RBFA: variants seen among roughly 807,000 people sequenced by gnomAD.
RBFA encodes putative ribosome-binding factor A, mitochondrial.
RBFA carries 16 observed loss-of-function variants against 27.9 expected under a neutral mutation model. That is an observed-to-expected ratio of 0.57 (90% CI 0.39 to 0.87). RBFA has a LOEUF of 0.87. Among genes scored for constraint, RBFA ranks in the 40% least tolerant of loss-of-function variants. The probability of loss-of-function intolerance (pLI) is 0.00; values close to 1 mark genes in which losing one functional copy is unlikely to be tolerated. For missense variants in RBFA, 456 were observed against 432.1 expected (o/e 1.06, Z -0.49); for synonymous variants, 181 against 181.0 (o/e 1.00, Z 0.00).
At chr18:80,044,159 A>C (rs916598673) in intron 5 of RBFA, 53 bp from the exon 6 acceptor site, 2 of 1,459,764 alleles carry the variant, frequency 1.4e-6, no homozygotes, top group Non-Finnish European at 9.6e-7. Context: ...CCCGGCTGTA[A>C]GTATGGTGGT....
At chr18:80,042,586 C>T (rs190234417) in intron 5 of RBFA, among the ~76,000 whole-genome samples, 1 of 152,028 alleles carries the variant, frequency 6.6e-6, no homozygotes, top group East Asian at 1.9e-4. Context: ...CTGGCCAATA[C>T]GGTGAAACCC....
chr18:80,044,151 C>T (rs368712787), intron 5 of RBFA, 61 bp from the exon 6 acceptor site: 60 of 1,404,744 alleles, frequency 4.3e-5, no homozygotes, highest in South Asian at 2.2e-4. Flanking sequence ...ACGTGGAGCC[C>T]GGCTGTAAGT....
At position 80,048,847 on chromosome 18, in the gene RBFA, A is replaced by G. The variant is rs2052075001; in HGVS notation, c.*2692A>G. ...CAGCTCAGTGCCTCCTAGAAAGTGG[A>G]GTGTGGGCATGTTTGCAGGGGATCC... is the stretch of plus-strand genomic sequence containing the variant. On this transcript the variant is annotated 3_prime_UTR_variant, in exon 7 of 7. Transcript: ENST00000306735. 6.9e-6 allele frequency among the ~76,000 whole-genome samples: 1 copy of G among 144,966 alleles called. No individual in the cohort carries two copies. Among genetic ancestry groups the G allele is most frequent in the African/African-American group, 2.7e-5 (1 of 37,378 alleles).
chr18:80,039,191 G>T (rs999152644), intron 4 of RBFA, among the ~76,000 whole-genome samples: 1 of 152,148 alleles, frequency 6.6e-6, no homozygotes, highest in Non-Finnish European at 1.5e-5. Flanking sequence ...GGCAGCACAC[G>T]CATATAGTCC....
At position 80,034,512 on chromosome 18, in the gene RBFA, G is replaced by A. The variant is rs2051959720; in HGVS notation, c.17G>A (p.Gly6Asp). 6.4e-7 allele frequency: 1 copy of A among 1,572,706 alleles called. No homozygotes were observed. Among genetic ancestry groups the A allele is most frequent in the Admixed American group, 1.9e-5 (1 of 51,542 alleles). ...CGCCGCGCCATGTGGGCTGCGGCGG[G>A]CGGGCTGTGGCGCTCCCGCGCGGGT... MWAAA[G>D]GLWRSRAGLR... is the part of the protein sequence containing the mutation. The change falls in exon 1 of 7, where the codon GGC (glycine) becomes GAC (aspartate). Residue 6 changes from glycine (G) to aspartate (D), a missense_variant. Physicochemically the swap from Gly to Asp is moderately conservative, Grantham distance 94 (BLOSUM62 -1). Transcript: ENST00000306735.
chr18:80,048,929 G>A lies in RBFA; in HGVS notation c.*2774G>A, dbSNP rs2052076284. On this transcript the variant is annotated 3_prime_UTR_variant, in exon 7 of 7. Transcript: ENST00000306735. ...GTGGAGTGTGGGCACGTTTGCAGGG[G>A]ATCCAACCAGGCGTCTGCTCAGTGC... Among the ~76,000 whole-genome samples the A allele has an allele frequency of 8.3e-6, 1 of 120,600 alleles. No homozygotes were observed. Among genetic ancestry groups the A allele is most frequent in the Non-Finnish European group, 1.9e-5 (1 of 51,358 alleles). The allele number at this position is 120,600 out of a possible 152,430, so 79.1% of individuals were successfully genotyped here.
In RBFA at chr18:80,046,076, C is replaced by A. The variant is rs976790569; in HGVS notation, c.953C>A (p.Pro318Gln). 2 of 1,614,084 alleles carry A rather than the reference C, an allele frequency of 1.2e-6. No individual in the cohort carries two copies. Among genetic ancestry groups the A allele is most frequent in the African/African-American group, 1.3e-5 (1 of 75,016 alleles). ...GCCCCGGAGTACGAATGCTATGCCC[C>A]GGACACAGAGGAGTTGGAGGCAGAG... ...VGAPEYECYA[P>Q]DTEELEAERG... is the part of the protein sequence containing the mutation. The change falls in exon 7 of 7, where the codon CCG becomes CAG. Residue 318 changes from proline (P) to glutamine (Q), a missense_variant. Coordinates refer to ENST00000306735, the MANE Select transcript of RBFA (RefSeq NM_024805.3).
In RBFA at chr18:80,034,556, A is replaced by G. The variant is rs985964317; in HGVS notation, c.61A>G (p.Ser21Gly). The G allele has an allele frequency of 8.7e-6, 14 of 1,608,398 alleles. No individual in the cohort carries two copies. Among genetic ancestry groups the G allele is most frequent in the Non-Finnish European group, 1.1e-5 (13 of 1,178,882 alleles). Reference protein sequence around the residue: ...SRAGLRALFRSRDAALFPGCE... With the variant: ...SRAGLRALFRGRDAALFPGCE... The stretch of plus-strand genomic sequence containing the variant: ...CGCGGGTCTCCGGGCCCTGTTCCGT[A>G]GCCGCGATGCTGCGCTATTTCCAGG... Residue 21 changes from serine to glycine, a missense_variant, in exon 1 of 7, where the codon AGC becomes GGC. Ser to Gly is a moderately conservative substitution (Grantham distance 56). Transcript: ENST00000306735.
At chr18:80,043,999 C>T (rs2052033718) in intron 5 of RBFA, among the ~76,000 whole-genome samples, 1 of 152,242 alleles carries the variant, frequency 6.6e-6, no homozygotes, top group Non-Finnish European at 1.5e-5. Context: ...ACTTCGTTAT[C>T]AGAGAAAATG....
In RBFA at chr18:80,037,325, T is replaced by A. The variant is rs773394174; in HGVS notation, c.202-5T>A. 1.2e-6 allele frequency: 2 copies of A among 1,612,858 alleles called. No homozygotes were observed. Among genetic ancestry groups the A allele is most frequent in the African/African-American group, 2.7e-5 (2 of 74,884 alleles). On this transcript the variant is annotated splice_region_variant and splice_polypyrimidine_tract_variant and intron_variant, in intron 2 of 6. Coordinates refer to ENST00000306735, the MANE Select transcript of RBFA (RefSeq NM_024805.3). ...CCTTGGGGTGTGCTCTTCTTCCTGA[T>A]GGAGACTTACAAACCATCCAAGTTG...
rs752923926 is a variant in RBFA at position 80,034,570 on chromosome 18, G to T, written c.75G>T (p.Ala25=). Reference sequence around the variant, plus strand: ...CCCTGTTCCGTAGCCGCGATGCTGCGCTATTTCCAGGCTGCGAGCGGGGAC... The same window carrying T: ...CCCTGTTCCGTAGCCGCGATGCTGCTCTATTTCCAGGCTGCGAGCGGGGAC... ...LRALFRSRDA[A]LFPGCERGLH... The change falls in exon 1 of 7, where the codon GCG becomes GCT. Residue 25 remains alanine (A), a synonymous_variant. Coordinates refer to ENST00000306735, the MANE Select transcript of RBFA (RefSeq NM_024805.3). The T allele has an allele frequency of 7.5e-6, 12 of 1,609,540 alleles. No homozygotes were observed. Among genetic ancestry groups the T allele is most frequent in the Admixed American group, 1.7e-5 (1 of 59,194 alleles).
In RBFA at chr18:80,047,792, C is replaced by G. The variant is rs1388103530; in HGVS notation, c.*1637C>G. On this transcript the variant is annotated 3_prime_UTR_variant, in exon 7 of 7. Coordinates refer to ENST00000306735, the MANE Select transcript of RBFA (RefSeq NM_024805.3). ...TACACCGTGAGCCAAATGTTTATCT[C>G]TAGGGTTTCTGGTAGCCAGTTGCGG... Among the ~76,000 whole-genome samples, 2 of 152,136 alleles carry G rather than the reference C, an allele frequency of 1.3e-5. No individual in the cohort carries two copies. Among genetic ancestry groups the G allele is most frequent in the Non-Finnish European group, 2.9e-5 (2 of 68,020 alleles).
chr18:80,036,811 G>A, intron 2 of RBFA, 101 bp downstream of exon 2: 4 of 803,718 alleles, frequency 5.0e-6, no homozygotes, highest in East Asian at 2.5e-5. Context: ...TGTATTGGAG[G>A]GGATAGTGTC....
In RBFA at chr18:80,046,866, T is replaced by G. The variant is rs1672470338; in HGVS notation, c.*711T>G. Reference sequence around the variant, plus strand: ...GTGTATTTTCTAATCCATCCAAAGGTGAAACAGACTTGGTCTTTGCCTTCT... The same window carrying G: ...GTGTATTTTCTAATCCATCCAAAGGGGAAACAGACTTGGTCTTTGCCTTCT... On this transcript the variant is annotated 3_prime_UTR_variant, in exon 7 of 7. Coordinates refer to ENST00000306735, the MANE Select transcript of RBFA (RefSeq NM_024805.3). 6.6e-6 allele frequency: 1 copy of G among 152,600 alleles called. No homozygotes were observed. The highest frequency in any genetic ancestry group is 2.1e-4 in the South Asian group (1 of 4,840). The allele number at this position is 152,600 out of a possible 1,614,324, so 9.5% of individuals were successfully genotyped here.
chr18:80,035,713 C>T (rs1016855263), intron 1 of RBFA: 1 of 152,200 alleles, frequency 6.6e-6, no homozygotes, highest in African/African-American at 2.4e-5. Context: ...GGGAATTTTG[C>T]TCATAAGTGG....
At chr18:80,042,782 G>A (rs2052025281) in intron 5 of RBFA, among the ~76,000 whole-genome samples, 1 of 151,802 alleles carries the variant, frequency 6.6e-6, no homozygotes, top group Non-Finnish European at 1.5e-5. Context: ...AAAAAAAAGA[G>A]AAGAAACCAC....
In RBFA at chr18:80,045,988, G is replaced by T. The variant is rs2052050664; in HGVS notation, c.865G>T (p.Asp289Tyr). ...RKRAKPRLEQ[D>Y]SSLKSYLSGE... ...GAGGGCCAAGCCCCGCCTGGAGCAG[G>T]ACAGCTCCCTCAAGAGTTACCTGTC... Residue 289 changes from aspartate to tyrosine, a missense_variant, in exon 7 of 7, where the codon GAC becomes TAC. Asp to Tyr is a radical substitution (Grantham distance 160). Transcript: ENST00000306735. 4.3e-6 allele frequency: 7 copies of T among 1,614,166 alleles called. No homozygotes were observed. The Middle Eastern group carries it at 9.9e-4, about 228-fold the overall frequency.
Position 80,049,264 on chromosome 18 carries a change from A to G in RBFA, c.*3109A>G, listed in dbSNP as rs2052080134. Among the ~76,000 whole-genome samples, 1 of 151,260 alleles carries G rather than the reference A, an allele frequency of 6.6e-6. No homozygotes were observed. Among genetic ancestry groups the G allele is most frequent in the Non-Finnish European group, 1.5e-5 (1 of 67,890 alleles). On this transcript the variant is annotated 3_prime_UTR_variant, in exon 7 of 7. Coordinates refer to ENST00000306735, the MANE Select transcript of RBFA (RefSeq NM_024805.3). ...CCTGGGAGCGGGTTAGGGACATGGA[A>G]GCTCACCCTCTTCTGAATGGGTCCA...
chr18:80,044,557 T>A (rs1485391902), intron 6 of RBFA, among the ~76,000 whole-genome samples: 2 of 152,168 alleles, frequency 1.3e-5, no homozygotes, highest in Non-Finnish European at 2.9e-5. Flanking sequence ...TTCAACACAT[T>A]GTTTATTGAG....
Sources: gnomAD v4.1 joint callset for allele counts (sites outside exome capture counted in the v4.1 genomes callset) on GRCh38, gnomAD v4.1.1 for gene constraint, MANE v1.5 for transcripts, NCBI Gene and HGNC (gene_info 2026-07-23, HGNC 2026-07-21) for gene names.